Variants in ATP8B4 observed in about 807,000 individuals in gnomAD.
The protein encoded by ATP8B4 is ATPase phospholipid transporting 8B4 (putative), also known as probable phospholipid-transporting ATPase IM.
In ATP8B4, 133 loss-of-function variants were observed where a neutral mutation model predicts 145.6. The ratio of observed to expected loss-of-function variants is 0.91; its 90% CI spans 0.79 to 1.05. ATP8B4 has a LOEUF of 1.05. Ranked by LOEUF, ATP8B4 falls within the 50% of genes least tolerant of loss-of-function variation. The pLI is 0.00. For missense variants in ATP8B4, 1,458 were observed against 1,425.2 expected, an observed-to-expected ratio of 1.02 and a Z score of -0.37; for synonymous variants, 507 against 492.9, an observed-to-expected ratio of 1.03 and a Z score of -0.38.
chr15:50,054,783 C>CAAAAAAAAAAAAAAA (rs55783703), intron 3 of ATP8B4, among the ~76,000 whole-genome samples: 1 of 81,838 alleles, frequency 1.2e-5, no homozygotes, highest in Non-Finnish European at 2.2e-5. Flanking sequence ...GACTCCGCCT[C>CAAAAAAAAAAAAAAA]AAAAAAAAAA....
intron 19 of ATP8B4, among the ~76,000 whole-genome samples, chr15:49,918,198 G>A (rs2039931925): frequency 6.6e-6 from 1 of 152,106 alleles, no homozygotes; most frequent in African/African-American, 2.4e-5. Context: ...TTCTTTCATA[G>A]GAAACATAGT....
chr15:49,994,498 G>A (rs574297362), intron 9 of ATP8B4, among the ~76,000 whole-genome samples: 29 of 152,188 alleles, frequency 1.9e-4, no homozygotes, highest in African/African-American at 6.5e-4. Context: ...GAAGCTTGGC[G>A]TACATCAGTG....
At chr15:49,961,601 A>G (rs763373272) in intron 14 of ATP8B4, among the ~76,000 whole-genome samples, 6 of 152,192 alleles carry the variant, frequency 3.9e-5, no homozygotes, top group Non-Finnish European at 8.8e-5. Context: ...CCATTCAGCC[A>G]TTAAAAAGAA....
At chr15:49,953,975 C>A (rs373982511) in intron 14 of ATP8B4, among the ~76,000 whole-genome samples, 88 of 152,324 alleles carry the variant, frequency 5.8e-4, no homozygotes, top group African/African-American at 2.1e-3. Flanking sequence ...CCACACTGCT[C>A]TTCCTTCTCT....
At chr15:50,158,968 G>A (rs1041918520) in intron 1 of ATP8B4, among the ~76,000 whole-genome samples, 9 of 152,282 alleles carry the variant, frequency 5.9e-5, no homozygotes, top group South Asian at 4.1e-4. Flanking sequence ...CAAACACTGC[G>A]GAAGGCCGCA....
intron 14 of ATP8B4, among the ~76,000 whole-genome samples, chr15:49,953,728 C>A (rs13329614): frequency 0.13 from 20,241 of 152,262 alleles, 1,991 homozygotes; most frequent in African/African-American, 0.27. Context: ...GTGGTGGTCA[C>A]CCCTCCCTCG....
chr15:50,171,089 TAGAC>T (rs2044667175), intron 1 of ATP8B4, among the ~76,000 whole-genome samples: 1 of 152,120 alleles, frequency 6.6e-6, no homozygotes, highest in Middle Eastern at 3.4e-3. Context: ...AGAAATGAGA[TAGAC>T]AGCAACACAA....
intron 23 of ATP8B4, among the ~76,000 whole-genome samples, chr15:49,881,132 CAAAA>C (rs546354499): frequency 1.8e-3 from 258 of 139,938 alleles, no homozygotes; most frequent in African/African-American, 6.3e-3. Context: ...AACAAACAAA[CAAAA>C]AAAAGCCTTG....
At chr15:50,175,089 C>G (rs1393900114) in intron 1 of ATP8B4, among the ~76,000 whole-genome samples, 1 of 152,128 alleles carries the variant, frequency 6.6e-6, no homozygotes, top group African/African-American at 2.4e-5. Flanking sequence ...AATTGGCTAG[C>G]CACATGTAGA....
At chr15:49,954,422 A>C (rs1194509158) in intron 14 of ATP8B4, among the ~76,000 whole-genome samples, 1 of 152,182 alleles carries the variant, frequency 6.6e-6, no homozygotes, top group Non-Finnish European at 1.5e-5. Flanking sequence ...GAAAATACTC[A>C]CAAACTATGC....
At chr15:50,039,164 T>C (rs114786280) in intron 5 of ATP8B4, among the ~76,000 whole-genome samples, 18 of 152,346 alleles carry the variant, frequency 1.2e-4, no homozygotes, top group African/African-American at 3.6e-4. Context: ...TTGATGTCTT[T>C]AACAAGGAAT....
Position 49,879,332 on chromosome 15 carries a change from G to A in ATP8B4, c.2781+44C>T, listed in dbSNP as rs770989462. On this transcript the variant is annotated intron_variant, in intron 24 of 27. Transcript: ENST00000284509. ...CTTAGAACCCACAAAAAACTAAAAG[G>A]CATAAAAGAGAAACTAAGTTATAAA... The A allele has an allele frequency of 3.3e-6, 5 of 1,520,652 alleles. No homozygotes were observed. The South Asian group carries it at 3.5e-5, about 11-fold the overall frequency. The allele number at this position is 1,520,652 out of a possible 1,614,324, so 94.2% of individuals were successfully genotyped here. A position where few individuals can be genotyped will look rare whatever the true frequency, so the allele number is the denominator to read the frequency against.
chr15:49,934,463 A>G (rs2041561890), intron 14 of ATP8B4, among the ~76,000 whole-genome samples: 1 of 151,574 alleles, frequency 6.6e-6, no homozygotes, highest in Non-Finnish European at 1.5e-5. Context: ...CAACTTCAAA[A>G]TACAAAAAAC....
At chr15:50,013,412 A>G (rs142996984) in intron 6 of ATP8B4, among the ~76,000 whole-genome samples, 80 of 152,178 alleles carry the variant, frequency 5.3e-4, no homozygotes, top group African/African-American at 1.8e-3. Context: ...AAAGGTGAAA[A>G]CTCCTGTAGA....
chr15:49,958,404 G>A (rs2043773200), intron 14 of ATP8B4, among the ~76,000 whole-genome samples: 1 of 151,392 alleles, frequency 6.6e-6, no homozygotes, highest in Non-Finnish European at 1.5e-5. Flanking sequence ...GAACGAAGAA[G>A]GCATTAATAA....
intron 1 of ATP8B4, among the ~76,000 whole-genome samples, chr15:50,139,800 T>C (rs751245114): frequency 2.6e-5 from 4 of 152,226 alleles, no homozygotes; most frequent in Non-Finnish European, 4.4e-5. Flanking sequence ...CATGAACCAC[T>C]ACATCCTAAA....
intron 1 of ATP8B4, among the ~76,000 whole-genome samples, chr15:50,145,560 T>G (rs1481572919): frequency 6.6e-6 from 1 of 152,192 alleles, no homozygotes; most frequent in East Asian, 1.9e-4. Flanking sequence ...CAAAGGAAAC[T>G]TATTCTTGGA....
At chr15:50,079,465 A>G (rs2054404419) in intron 2 of ATP8B4, among the ~76,000 whole-genome samples, 1 of 152,224 alleles carries the variant, frequency 6.6e-6, no homozygotes, top group South Asian at 2.1e-4. Flanking sequence ...CTGTGAGGTA[A>G]TAAAGTCAAT....
At chr15:49,862,618 G>A (rs137940205) in intron 26 of ATP8B4, among the ~76,000 whole-genome samples, 167 of 152,100 alleles carry the variant, frequency 1.1e-3, no homozygotes, top group African/African-American at 2.7e-3. Context: ...CACCACGCCC[G>A]GCTAATTTTT....
Sources: gnomAD v4.1 joint callset for allele counts (sites outside exome capture counted in the v4.1 genomes callset) on GRCh38, gnomAD v4.1.1 for gene constraint, MANE v1.5 for transcripts, NCBI Gene and HGNC (gene_info 2026-07-23, HGNC 2026-07-21) for gene names.